Variants in DOK6 observed in about 807,000 individuals in gnomAD.
The protein encoded by DOK6 is docking protein 6, also known as downstream of tyrosine kinase 6.
A neutral mutation model predicts 44.0 loss-of-function variants in DOK6; 22 were observed. The ratio of observed to expected loss-of-function variants is 0.50; its 90% CI spans 0.36 to 0.71. The LOEUF is 0.71. Ranked by LOEUF, DOK6 falls within the 30% of genes least tolerant of loss-of-function variation. The pLI, the probability that DOK6 is intolerant of heterozygous loss-of-function variation, is 0.00. For synonymous variants in DOK6, 166 were observed against 145.5 expected (o/e 1.14, Z -1.01); for missense variants, 340 against 416.4 (o/e 0.82, Z 1.60).
intron 1 of DOK6, among the ~76,000 whole-genome samples, chr18:69,536,440 C>G (rs528319259): frequency 3.3e-5 from 5 of 152,002 alleles, no homozygotes; most frequent in Non-Finnish European, 7.4e-5. Context: ...TTGTACTTAT[C>G]AAGTATAGTT....
At chr18:69,577,441 C>A (rs1370088073) in intron 2 of DOK6, among the ~76,000 whole-genome samples, 1 of 152,122 alleles carries the variant, frequency 6.6e-6, no homozygotes, top group Non-Finnish European at 1.5e-5. Context: ...CATCCATCTT[C>A]AATCTCTTAT....
intron 3 of DOK6, among the ~76,000 whole-genome samples, chr18:69,623,490 T>G (rs935107704): frequency 6.6e-6 from 1 of 152,142 alleles, no homozygotes; most frequent in Non-Finnish European, 1.5e-5. Flanking sequence ...TTATTGAACA[T>G]CTATATTGTC....
intron 6 of DOK6, 136 bp from the exon 7 acceptor site, chr18:69,757,620 T>C: frequency 1.5e-6 from 1 of 685,518 alleles, no homozygotes; most frequent in Non-Finnish European, 2.5e-6. Context: ...TTAAAAGTTA[T>C]CCTTACACCG....
At chr18:69,659,595 C>A (rs1339774320) in intron 3 of DOK6, among the ~76,000 whole-genome samples, 2 of 151,962 alleles carry the variant, frequency 1.3e-5, no homozygotes, top group Non-Finnish European at 1.5e-5. Context: ...TCGTTAAATG[C>A]AGTAACTGGA....
At chr18:69,678,436 C>A (rs1000442264) in intron 4 of DOK6, among the ~76,000 whole-genome samples, 2 of 152,136 alleles carry the variant, frequency 1.3e-5, no homozygotes, top group South Asian at 4.1e-4. Context: ...TGGCTAGCAT[C>A]CCTCCAGTTT....
At chr18:69,556,501 C>G (rs1001881402) in intron 1 of DOK6, among the ~76,000 whole-genome samples, 1 of 152,144 alleles carries the variant, frequency 6.6e-6, no homozygotes, top group Non-Finnish European at 1.5e-5. Context: ...AAGCTATTTA[C>G]AAATGTGCTT....
In DOK6 at chr18:69,599,473, A is replaced by G. The variant is rs564564794; in HGVS notation, c.264A>G (p.Thr88=). ...HAVAIIFHDE[T]SKTFACESEL... Reference sequence around the variant, plus strand: ...TGGCAATCATCTTTCACGATGAAACATCGAAGACATTTGCCTGTGAGTCAG... The same window carrying G: ...TGGCAATCATCTTTCACGATGAAACGTCGAAGACATTTGCCTGTGAGTCAG... The change falls in exon 3 of 8, where the codon ACA becomes ACG. Residue 88 remains threonine (T), a synonymous_variant. Transcript: ENST00000382713. 6.2e-7 allele frequency: 1 copy of G among 1,614,050 alleles called. No individual in the cohort carries two copies. The highest frequency in any genetic ancestry group is 1.1e-5 in the South Asian group (1 of 91,068).
intron 1 of DOK6, among the ~76,000 whole-genome samples, chr18:69,409,555 GCA>G (rs1208137908): frequency 6.6e-6 from 1 of 152,178 alleles, no homozygotes; most frequent in Admixed American, 6.6e-5. Context: ...ATAGCAGAAT[GCA>G]CTCCCCACCT....
chr18:69,734,393 CAAAAAAAAAAAAAAA>C (rs60831756), intron 5 of DOK6, among the ~76,000 whole-genome samples: 1 of 48,500 alleles, frequency 2.1e-5, no homozygotes, highest in African/African-American at 6.8e-5. Context: ...TTCATAGCAG[CAAAAAAAAAAAAAAA>C]AAAAAAAAGG....
At chr18:69,615,362 G>A (rs537130662) in intron 3 of DOK6, among the ~76,000 whole-genome samples, 2 of 152,278 alleles carry the variant, frequency 1.3e-5, no homozygotes, top group East Asian at 3.9e-4. Flanking sequence ...AAACATTTCT[G>A]TTTGCTGATT....
intron 1 of DOK6, among the ~76,000 whole-genome samples, chr18:69,480,142 A>G (rs564346477): frequency 6.6e-6 from 1 of 152,262 alleles, no homozygotes; most frequent in African/African-American, 2.4e-5. Flanking sequence ...AGTAGTGATA[A>G]TTCAAAATAA....
intron 3 of DOK6, among the ~76,000 whole-genome samples, chr18:69,667,286 T>C (rs1197880136): frequency 6.6e-6 from 1 of 152,170 alleles, no homozygotes; most frequent in Non-Finnish European, 1.5e-5. Flanking sequence ...GTGCCAGATA[T>C]TTCTCTTCTT....
At chr18:69,605,777 A>T (rs185481956) in intron 3 of DOK6, among the ~76,000 whole-genome samples, 21 of 152,118 alleles carry the variant, frequency 1.4e-4, no homozygotes, top group African/African-American at 5.1e-4. Flanking sequence ...ACCTACCGCT[A>T]CATCACACTT....
chr18:69,715,978 C>T (rs920951654), intron 5 of DOK6, among the ~76,000 whole-genome samples: 10 of 152,178 alleles, frequency 6.6e-5, no homozygotes, highest in African/African-American at 2.4e-4. Context: ...AACTAGAAAA[C>T]AAAACCATTC....
Position 69,683,579 on chromosome 18 carries a change from G to A in DOK6, c.409+5726G>A, listed in dbSNP as rs534336224. ...GGCCATGTGGCTGGAGTGATGACAC[G>A]TCCACAAGCCAAGGAACATCAAGCA... On this transcript the variant is annotated intron_variant, in intron 4 of 7. Coordinates refer to ENST00000382713, the MANE Select transcript of DOK6 (RefSeq NM_152721.6). 3.3e-5 allele frequency among the ~76,000 whole-genome samples: 5 copies of A among 152,292 alleles called. No individual in the cohort carries two copies. The South Asian group carries it at 8.3e-4, about 25-fold the overall frequency.
chr18:69,749,940 CAAAAA>C (rs554880939), intron 6 of DOK6, among the ~76,000 whole-genome samples: 2 of 104,996 alleles, frequency 1.9e-5, no homozygotes, highest in African/African-American at 3.4e-5. Flanking sequence ...GAGACTCCAT[CAAAAA>C]AAAAAAAAAA....
At chr18:69,776,482 AT>A (rs1344369287) in intron 7 of DOK6, among the ~76,000 whole-genome samples, 2 of 152,088 alleles carry the variant, frequency 1.3e-5, no homozygotes, top group South Asian at 2.1e-4. Context: ...CTACATCAAA[AT>A]TTATGAGATG....
rs535198003 is a variant in DOK6 at position 69,780,472 on chromosome 18, G to A, written c.856+22599G>A. Among the ~76,000 whole-genome samples the A allele has an allele frequency of 1.0e-3, 156 of 152,264 alleles. 7 individuals carry two copies. The South Asian group carries it at 0.03, about 29-fold the overall frequency. ...CCGTGCATGGTGATGTGTGCCTGTA[G>A]TCCCAGCTACTCTGGATGCTGAGGC... On this transcript the variant is annotated intron_variant, in intron 7 of 7. Coordinates refer to ENST00000382713, the MANE Select transcript of DOK6 (RefSeq NM_152721.6).
At chr18:69,807,320 A>C (rs1157259425) in intron 7 of DOK6, among the ~76,000 whole-genome samples, 1 of 152,010 alleles carries the variant, frequency 6.6e-6, no homozygotes, top group African/African-American at 2.4e-5. Flanking sequence ...AAGAAATCAA[A>C]GTATGTCACT....
Sources: allele counts gnomAD v4.1 joint callset (sites outside exome capture counted in the v4.1 genomes callset), GRCh38; gene constraint gnomAD v4.1.1; transcripts MANE v1.5; gene names NCBI Gene and HGNC (gene_info 2026-07-23, HGNC 2026-07-21).